Variants in ZNF273 observed in about 807,000 individuals in gnomAD.
The protein encoded by ZNF273 is zinc finger protein 273, also known as zinc finger protein 9.
Under a neutral mutation model 14.9 loss-of-function variants are expected in ZNF273, and 11 were observed. The ratio of observed to expected loss-of-function variants is 0.74; its 90% confidence interval spans 0.46 to 1.22. ZNF273 has a LOEUF of 1.22. Ranked by LOEUF, ZNF273 falls within the 50% of genes most tolerant of loss-of-function variation. ZNF273 has a pLI of 0.00. For synonymous variants in ZNF273, 199 were observed against 223.9 expected (o/e 0.89, Z 0.99); for missense variants, 577 against 660.6 (o/e 0.87, Z 1.39).
chr7:64,886,411 C>T (rs1015574994), intron 1 of ZNF273, among the ~76,000 whole-genome samples: 2 of 152,178 alleles, frequency 1.3e-5, no homozygotes, highest in African/African-American at 2.4e-5. Context: ...TAAGTGAGCT[C>T]ACTGTCACAA....
downstream of ZNF273, among the ~76,000 whole-genome samples, chr7:64,934,985 T>G (rs1795048938): frequency 6.6e-6 from 1 of 152,200 alleles, no homozygotes; most frequent in African/African-American, 2.4e-5. Flanking sequence ...TTCTTTAGAT[T>G]ATAATGTAAG....
intron 3 of ZNF273, among the ~76,000 whole-genome samples, chr7:64,919,178 G>A (rs986297299): frequency 2.0e-5 from 3 of 152,076 alleles, no homozygotes; most frequent in Non-Finnish European, 4.4e-5. Flanking sequence ...TAAATTTTAG[G>A]ATTATATTTT....
intron 2 of ZNF273, among the ~76,000 whole-genome samples, chr7:64,879,097 T>C (rs1381570654): frequency 6.6e-6 from 1 of 152,232 alleles, no homozygotes; most frequent in Non-Finnish European, 1.5e-5. Flanking sequence ...TAATCTAGGC[T>C]GTGTTTCATT....
chr7:64,894,789 T>G (rs186417883), downstream of ZNF273, among the ~76,000 whole-genome samples: 2 of 152,312 alleles, frequency 1.3e-5, no homozygotes, highest in East Asian at 3.9e-4. Context: ...TTCACAAATC[T>G]TTCATAAATC....
intron 1 of ZNF273, among the ~76,000 whole-genome samples, chr7:64,916,841 T>C (rs1347592377): frequency 6.6e-6 from 1 of 151,658 alleles, no homozygotes; most frequent in Non-Finnish European, 1.5e-5. Context: ...TATAATAAAA[T>C]AAAAGAGCTC....
chr7:64,903,403 C>A lies in ZNF273; in HGVS notation c.86C>A (p.Pro29His). ...TCCACAGCTAAGACGCCAGGACTCC[C>A]TGGAAGCCTAGAAATGGTGAGAGTG... ...GRSTAKTPGLPGSLEMGPLTF... is the reference protein window; with the variant it reads ...GRSTAKTPGLHGSLEMGPLTF... The change falls in exon 1 of 4, where the codon CCT (proline) becomes CAT (histidine). Residue 29 changes from proline (P) to histidine (H), a missense_variant. Pro to His is a moderately conservative substitution (Grantham distance 77). Coordinates refer to ENST00000476120, the MANE Select transcript of ZNF273 (RefSeq NM_021148.3). 1 of 1,613,126 alleles carries A rather than the reference C, an allele frequency of 6.2e-7. No homozygotes were observed. The highest frequency in any genetic ancestry group is 8.5e-7 in the Non-Finnish European group (1 of 1,179,252).
chr7:64,921,622 TTTTTTTTTTTTTTTTGTG>T (rs1431177699), intron 3 of ZNF273, among the ~76,000 whole-genome samples: 11 of 40,746 alleles, frequency 2.7e-4, no homozygotes, highest in African/African-American at 8.6e-4. Context: ...TTTTTTTTTT[TTTTTTTTTTTTTTTTGTG>T]TGTGAGACAG....
At chr7:64,902,889 T>C (rs2129055044), upstream of ZNF273, among the ~76,000 whole-genome samples, 1 of 152,312 alleles carries the variant, frequency 6.6e-6, no homozygotes, top group Non-Finnish European at 1.5e-5. Context: ...TTGAATAGAA[T>C]GGAAGGCAGG....
the ZNF273 span, among the ~76,000 whole-genome samples, chr7:64,936,913 C>T: frequency 6.6e-6 from 1 of 152,136 alleles, no homozygotes; most frequent in African/African-American, 2.4e-5. Flanking sequence ...AAATTGAATA[C>T]TTGTATAAAA....
downstream of ZNF273, among the ~76,000 whole-genome samples, chr7:64,891,841 C>T (rs952780890): frequency 1.3e-5 from 2 of 152,186 alleles, no homozygotes; most frequent in Non-Finnish European, 2.9e-5. Context: ...CTTTCAGACC[C>T]ATGTGCATTT....
At chr7:64,890,910 T>C (rs1315266854), downstream of ZNF273, among the ~76,000 whole-genome samples, 1 of 152,340 alleles carries the variant, frequency 6.6e-6, no homozygotes, top group East Asian at 1.9e-4. Flanking sequence ...ACAATTTGCC[T>C]GTGTGCCAAC....
At chr7:64,896,274 A>G (rs1792356165) in intron 3 of ZNF273, among the ~76,000 whole-genome samples, 1 of 152,150 alleles carries the variant, frequency 6.6e-6, no homozygotes, top group South Asian at 2.1e-4. Flanking sequence ...AAAAGAAGCC[A>G]AGTTACCCCA....
At chr7:64,888,993 C>A, downstream of ZNF273, 2 of 985,758 alleles carry the variant, frequency 2.0e-6, no homozygotes, top group Non-Finnish European at 2.4e-6. Context: ...TTAATAAGGG[C>A]AAGGGGCCAA....
upstream of ZNF273, chr7:64,903,271 T>C: frequency 1.3e-6 from 2 of 1,503,260 alleles, no homozygotes; most frequent in Non-Finnish European, 1.8e-6. Flanking sequence ...GGCGGGGCCT[T>C]TGTCTCTCGC....
chr7:64,891,910 C>T (rs1176445805), downstream of ZNF273, among the ~76,000 whole-genome samples: 1 of 152,228 alleles, frequency 6.6e-6, no homozygotes, highest in African/African-American at 2.4e-5. Context: ...GCTCCTGCCT[C>T]TCACTGGCCT....
rs764159377 is a variant in ZNF273, at chr7:64,928,464, G to A, written c.1136G>A (p.Cys379Tyr). 1.9e-6 allele frequency: 3 copies of A among 1,613,690 alleles called. No individual in the cohort carries two copies. In the South Asian group the frequency reaches 3.3e-5, roughly 18 times the overall value. Reference protein sequence around the residue: ...TGEKPYKCEECGKAFNQSSTL... With the variant: ...TGEKPYKCEEYGKAFNQSSTL... Reference sequence around the variant, plus strand: ...GAGAAACCCTACAAATGTGAAGAATGTGGCAAAGCTTTTAACCAGTCCTCA... The same window carrying A: ...GAGAAACCCTACAAATGTGAAGAATATGGCAAAGCTTTTAACCAGTCCTCA... Residue 379 changes from cysteine to tyrosine, a missense_variant, in exon 4 of 4, where the codon TGT becomes TAT. By Grantham distance (194) the Cys-to-Tyr change is radical (BLOSUM62 -2). This residue lies in a region of ZNF273 where 411 missense variants were observed against 440.4 expected (regional missense o/e 0.93). Coordinates refer to ENST00000476120, the MANE Select transcript of ZNF273 (RefSeq NM_021148.3).
intron 1 of ZNF273, 92 bp downstream of exon 1, chr7:64,903,511 A>G: frequency 7.9e-7 from 1 of 1,272,910 alleles, no homozygotes; most frequent in African/African-American, 1.5e-5. Flanking sequence ...GCCTCCCTGC[A>G]GTAGACTCCA....
chr7:64,908,999 T>C (rs1793299076), intron 1 of ZNF273, among the ~76,000 whole-genome samples: 1 of 152,094 alleles, frequency 6.6e-6, no homozygotes, highest in Non-Finnish European at 1.5e-5. Context: ...AGCCTCAACA[T>C]CCTGGGCTTA....
At chr7:64,899,979 C>T (rs989942927), upstream of ZNF273, among the ~76,000 whole-genome samples, 1 of 152,004 alleles carries the variant, frequency 6.6e-6, no homozygotes, top group Non-Finnish European at 1.5e-5. Flanking sequence ...AGGCTGGTCT[C>T]GAACTCCCAA....
Sources: gnomAD v4.1 joint callset for allele counts (sites outside exome capture counted in the v4.1 genomes callset) on GRCh38, gnomAD v4.1.1 for gene constraint, gnomAD v4.1.1 regional missense constraint, MANE v1.5 for transcripts, NCBI Gene and HGNC (gene_info 2026-07-23, HGNC 2026-07-21) for gene names.